DOCK3: variants seen among roughly 807,000 people sequenced by gnomAD.
The protein encoded by DOCK3 is dedicator of cytokinesis protein 3.
DOCK3 carries 60 observed loss-of-function variants against 265.6 expected under a neutral mutation model. The observed-to-expected ratio is 0.23, with a 90% CI of 0.18 to 0.28. The LOEUF is 0.28. DOCK3 is among the 10% of genes least tolerant of loss of function. The probability of loss-of-function intolerance (pLI) is 1.00; values close to 1 mark genes in which losing one functional copy is unlikely to be tolerated. For synonymous variants in DOCK3, 881 were observed against 938.0 expected (o/e 0.94, Z 1.11); for missense variants, 1,981 against 2,594.3 (o/e 0.76, Z 5.14).
chr3:51,020,761 C>T (rs1385766625), intron 5 of DOCK3, among the ~76,000 whole-genome samples: 2 of 151,802 alleles, frequency 1.3e-5, no homozygotes, highest in African/African-American at 2.4e-5. Context: ...TCAGGTTTGT[C>T]GAAGATCAGA....
intron 41 of DOCK3, 34 bp from the exon 42 acceptor site, chr3:51,356,055 G>T: frequency 6.2e-7 from 1 of 1,613,108 alleles, no homozygotes; most frequent in Non-Finnish European, 8.5e-7. Flanking sequence ...CCCAGCTCTG[G>T]CAAGTCTGTG....
chr3:51,379,429 C>T (rs949035109), intron 51 of DOCK3: 15 of 985,482 alleles, frequency 1.5e-5, no homozygotes, highest in Non-Finnish European at 1.8e-5. Context: ...CCCTTCATGC[C>T]ATCTGTTTCC....
chr3:50,700,577 C>G (rs1191293659), intron 1 of DOCK3, among the ~76,000 whole-genome samples: 2 of 152,174 alleles, frequency 1.3e-5, no homozygotes, highest in Non-Finnish European at 2.9e-5. Context: ...ATAATGACCT[C>G]TAGTTCCAAT....
intron 12 of DOCK3, among the ~76,000 whole-genome samples, chr3:51,179,930 G>A (rs1036375275): frequency 7.9e-5 from 12 of 151,678 alleles, no homozygotes; most frequent in African/African-American, 2.9e-4. Flanking sequence ...AAGGGCCGGC[G>A]GACGCGGTGT....
At chr3:51,278,259 T>C (rs1251182074) in intron 26 of DOCK3, 11 of 985,232 alleles carry the variant, frequency 1.1e-5, no homozygotes, top group Non-Finnish European at 1.3e-5. Flanking sequence ...CTGGCATTAG[T>C]GAATAACGAT....
chr3:51,155,467 C>T (rs187750462), intron 10 of DOCK3, among the ~76,000 whole-genome samples: 1 of 152,234 alleles, frequency 6.6e-6, no homozygotes, highest in African/African-American at 2.4e-5. Flanking sequence ...AAAGGAGTTT[C>T]CTAGATTGAT....
intron 19 of DOCK3, among the ~76,000 whole-genome samples, chr3:51,231,613 T>G (rs956970350): frequency 7.9e-5 from 12 of 152,206 alleles, no homozygotes; most frequent in African/African-American, 2.7e-4. Context: ...GGAATTGTTT[T>G]TTGCTTGTTG....
rs1187089451 is a variant in DOCK3, at chr3:51,288,930, A to G, written c.2922+8726A>G. On this transcript the variant is annotated intron_variant, in intron 27 of 52. Coordinates refer to ENST00000266037, the MANE Select transcript of DOCK3 (RefSeq NM_004947.5). The stretch of plus-strand genomic sequence containing the variant: ...TGTGTGTGTGTGTGTGTGTGTGCCC[A>G]TGTGTGTGTATTTAAAGTAAATCGG... 2.7e-5 allele frequency among the ~76,000 whole-genome samples: 4 copies of G among 150,016 alleles called. No homozygotes were observed. In the South Asian group the frequency reaches 8.5e-4, roughly 32 times the overall value.
intron 5 of DOCK3, among the ~76,000 whole-genome samples, chr3:50,959,572 AATTT>A (rs949187508): frequency 2.0e-5 from 3 of 146,366 alleles, no homozygotes; most frequent in Non-Finnish European, 4.5e-5. Context: ...ATATATATAA[AATTT>A]ATTTATTTAT....
intron 5 of DOCK3, among the ~76,000 whole-genome samples, chr3:50,951,362 A>G (rs2076587081): frequency 6.6e-6 from 1 of 152,156 alleles, no homozygotes; most frequent in Admixed American, 6.5e-5. Flanking sequence ...GATTCACTGT[A>G]TTACTATGTT....
chr3:51,189,697 T>C (rs898693379), intron 12 of DOCK3, among the ~76,000 whole-genome samples: 1 of 152,250 alleles, frequency 6.6e-6, no homozygotes, highest in African/African-American at 2.4e-5. Flanking sequence ...ATCTTTGCAG[T>C]TGTTAATTGT....
intron 1 of DOCK3, among the ~76,000 whole-genome samples, chr3:50,763,426 G>T (rs1226235470): frequency 6.6e-6 from 1 of 152,052 alleles, no homozygotes; most frequent in Non-Finnish European, 1.5e-5. Flanking sequence ...GGGATTGCAG[G>T]TGCGCACCAC....
intron 1 of DOCK3, among the ~76,000 whole-genome samples, chr3:50,770,915 A>G (rs1241511658): frequency 1.3e-5 from 2 of 152,232 alleles, no homozygotes; most frequent in Non-Finnish European, 2.9e-5. Context: ...CCATATATAG[A>G]TGAATGAAGC....
At chr3:50,897,260 G>A (rs988350649) in intron 4 of DOCK3, among the ~76,000 whole-genome samples, 36 of 152,110 alleles carry the variant, frequency 2.4e-4, no homozygotes, top group African/African-American at 8.5e-4. Flanking sequence ...TTGAATGGGA[G>A]TTCACTCATG....
chr3:50,895,469 T>C (rs897382089), intron 4 of DOCK3, among the ~76,000 whole-genome samples: 1 of 152,022 alleles, frequency 6.6e-6, no homozygotes, highest in African/African-American at 2.4e-5. Flanking sequence ...ATAAACTGTG[T>C]ACCCATGTGC....
chr3:50,721,996 A>G (rs2037503273), intron 1 of DOCK3, among the ~76,000 whole-genome samples: 1 of 152,112 alleles, frequency 6.6e-6, no homozygotes, highest in South Asian at 2.1e-4. Context: ...TCTTCACTGA[A>G]TGGGGGGTGG....
intron 3 of DOCK3, among the ~76,000 whole-genome samples, chr3:50,866,345 C>T (rs1441919191): frequency 2.0e-5 from 3 of 152,020 alleles, no homozygotes; most frequent in South Asian, 2.1e-4. Context: ...ATTAGCTGGG[C>T]GTGGTGGCAT....
chr3:51,212,132 C>T (rs2089543169), intron 13 of DOCK3, among the ~76,000 whole-genome samples: 1 of 152,198 alleles, frequency 6.6e-6, no homozygotes, highest in East Asian at 1.9e-4. Flanking sequence ...GGACATACAG[C>T]TTTTATAGCC....
intron 22 of DOCK3, among the ~76,000 whole-genome samples, chr3:51,251,783 G>A (rs1185978146): frequency 1.3e-5 from 2 of 152,100 alleles, no homozygotes; most frequent in Non-Finnish European, 2.9e-5. Context: ...ATGGATAGAT[G>A]GCAAAAATTT....
Sources: allele counts gnomAD v4.1 joint callset (sites outside exome capture counted in the v4.1 genomes callset), GRCh38; gene constraint gnomAD v4.1.1; transcripts MANE v1.5; gene names NCBI Gene and HGNC (gene_info 2026-07-23, HGNC 2026-07-21).